The following HPCAL1 variants were observed in gnomAD, a reference collection of about 807,000 sequenced individuals.
HPCAL1 encodes the protein hippocalcin like 1, also known as hippocalcin-like protein 1.
A neutral mutation model predicts 17.1 loss-of-function variants in HPCAL1; 8 were observed. The observed-to-expected ratio is 0.47, with a 90% confidence interval of 0.27 to 0.84. HPCAL1 has a LOEUF of 0.84. Ranked by LOEUF, HPCAL1 falls within the 40% of genes least tolerant of loss-of-function variation. The pLI is 0.13. For missense variants in HPCAL1, 165 were observed against 271.1 expected, an observed-to-expected ratio of 0.61 and a Z score of 2.75; for synonymous variants, 112 against 111.4, an observed-to-expected ratio of 1.01 and a Z score of -0.03.
At chr2:10,413,929 CA>C (rs1670500827) in intron 2 of HPCAL1, among the ~76,000 whole-genome samples, 1 of 152,230 alleles carries the variant, frequency 6.6e-6, no homozygotes, top group Non-Finnish European at 1.5e-5. Flanking sequence ...GGGTGCAAAT[CA>C]GGCAGAAAGG....
chr2:10,399,421 C>T (rs1213933642), intron 2 of HPCAL1, among the ~76,000 whole-genome samples: 20 of 52,804 alleles, frequency 3.8e-4, no homozygotes, highest in South Asian at 2.5e-3. Context: ...ACCACCACCA[C>T]CATCACCACC....
chr2:10,341,754 T>C (rs1298698958), intron 1 of HPCAL1, among the ~76,000 whole-genome samples: 2 of 152,134 alleles, frequency 1.3e-5, no homozygotes, highest in Non-Finnish European at 2.9e-5. Context: ...GTCCAACGCT[T>C]CCCAAGAGAT....
chr2:10,318,553 A>G (rs963929306), intron 1 of HPCAL1, among the ~76,000 whole-genome samples: 1 of 152,188 alleles, frequency 6.6e-6, no homozygotes, highest in African/African-American at 2.4e-5. Context: ...CGCTCCGGAC[A>G]TTGGCGATGT....
chr2:10,358,386 G>T (rs921656575), intron 1 of HPCAL1, among the ~76,000 whole-genome samples: 2 of 152,190 alleles, frequency 1.3e-5, no homozygotes, highest in African/African-American at 4.8e-5. Context: ...GGAGGAGAAG[G>T]GCGGGTCCCT....
intron 1 of HPCAL1, among the ~76,000 whole-genome samples, chr2:10,307,286 G>A (rs897971256): frequency 5.3e-5 from 8 of 152,270 alleles, no homozygotes; most frequent in South Asian, 2.1e-4. Context: ...CCCAGATTTC[G>A]CCTCAGTACT....
chr2:10,370,116 T>C lies in HPCAL1; in HGVS notation c.-110-26719T>C, dbSNP rs747926821. Reference sequence around the variant, plus strand: ...TCCGCATTCCTTTGTATGGGCCCATTGGGCATGCCTGGCTAATCTGCGCAC... The same window carrying C: ...TCCGCATTCCTTTGTATGGGCCCATCGGGCATGCCTGGCTAATCTGCGCAC... On this transcript the variant is annotated intron_variant, in intron 1 of 4. Coordinates refer to ENST00000307845, the MANE Select transcript of HPCAL1 (RefSeq NM_002149.4). 7.9e-5 allele frequency among the ~76,000 whole-genome samples: 12 copies of C among 152,218 alleles called. No homozygotes were observed. The South Asian group carries it at 1.4e-3, about 18-fold the overall frequency.
At chr2:10,381,525 C>T (rs1383914182) in intron 1 of HPCAL1, among the ~76,000 whole-genome samples, 1 of 152,196 alleles carries the variant, frequency 6.6e-6, no homozygotes, top group Non-Finnish European at 1.5e-5. Context: ...CAATGTTTGT[C>T]AGCCTGTCTT....
intron 4 of HPCAL1, 39 bp from the exon 5 acceptor site, chr2:10,426,685 T>G (rs985724965): frequency 2.0e-6 from 3 of 1,508,564 alleles, no homozygotes; most frequent in African/African-American, 2.7e-5. Context: ...TAAAGAACAG[T>G]GAGCACTGGC....
In HPCAL1 at chr2:10,419,114, G is replaced by A. The variant is rs1353143043; in HGVS notation, c.-24-620G>A. On this transcript the variant is annotated intron_variant, in intron 2 of 4. Coordinates refer to ENST00000307845, the MANE Select transcript of HPCAL1 (RefSeq NM_002149.4). The surrounding 1 kb of genome is among the most constrained non-coding windows in gnomAD (Gnocchi z 5.0). ...TAATCCCAGCTACTCAGGAGGCTGAGGCAGGAGAATTGCTTGAACCTGGGA... is the reference window on the plus strand; with the variant it reads ...TAATCCCAGCTACTCAGGAGGCTGAAGCAGGAGAATTGCTTGAACCTGGGA... Among the ~76,000 whole-genome samples, 1 of 152,174 alleles carries A rather than the reference G, an allele frequency of 6.6e-6. No individual in the cohort carries two copies. Among genetic ancestry groups the A allele is most frequent in the Non-Finnish European group, 1.5e-5 (1 of 68,034 alleles).
At chr2:10,347,249 G>T (rs1315659705) in intron 1 of HPCAL1, among the ~76,000 whole-genome samples, 1 of 152,012 alleles carries the variant, frequency 6.6e-6, no homozygotes, top group African/African-American at 2.4e-5. Context: ...CGTTGGCTTG[G>T]TCACCCAGCC....
rs1400948470 is a variant in HPCAL1 at position 10,331,069 on chromosome 2, C to A, written c.-111+27892C>A. On this transcript the variant is annotated intron_variant, in intron 1 of 4. Transcript: ENST00000307845. The surrounding 1 kb of genome is among the most constrained non-coding windows in gnomAD (Gnocchi z 5.0). ...TCCCGCCTCTCGCTCCATCTCGTGG[C>A]CTCCCATCTGCTCTCCCGGCTGCAG... is the stretch of plus-strand genomic sequence containing the variant. Among the ~76,000 whole-genome samples, 2 of 152,166 alleles carry A rather than the reference C, an allele frequency of 1.3e-5. No homozygotes were observed. The highest frequency in any genetic ancestry group is 2.9e-5 in the Non-Finnish European group (2 of 68,014).
chr2:10,383,120 C>A (rs954423946), intron 1 of HPCAL1, among the ~76,000 whole-genome samples: 3 of 152,216 alleles, frequency 2.0e-5, no homozygotes, highest in African/African-American at 7.2e-5. Context: ...TGCCTGTCAT[C>A]CCAGCACTTT....
intron 1 of HPCAL1, among the ~76,000 whole-genome samples, chr2:10,391,397 A>G (rs1356296918): frequency 6.6e-6 from 1 of 152,178 alleles, no homozygotes; most frequent in Non-Finnish European, 1.5e-5. Context: ...GTAGGAGGAT[A>G]TTGACTTAGA....
At chr2:10,358,400 G>A (rs753108154) in intron 1 of HPCAL1, among the ~76,000 whole-genome samples, 4 of 152,166 alleles carry the variant, frequency 2.6e-5, no homozygotes, top group Non-Finnish European at 2.9e-5. Flanking sequence ...GGTCCCTGTC[G>A]AGGGCTCCAC....
rs1670951313 is a variant in HPCAL1 at position 10,420,144 on chromosome 2, G to A, written c.378+9G>A. On this transcript the variant is annotated intron_variant, in intron 3 of 4. Coordinates refer to ENST00000307845, the MANE Select transcript of HPCAL1 (RefSeq NM_002149.4). Reference sequence around the variant, plus strand: ...TGCTGGAGATCGTGCAGGTACCGGCGCCCGAGGCCCCGGGTCTCACCGCGG... The same window carrying A: ...TGCTGGAGATCGTGCAGGTACCGGCACCCGAGGCCCCGGGTCTCACCGCGG... 1.9e-6 allele frequency: 3 copies of A among 1,597,938 alleles called. No homozygotes were observed. The highest frequency in any genetic ancestry group is 2.2e-5 in the East Asian group (1 of 44,480).
At chr2:10,353,219 G>A (rs1489476283) in intron 1 of HPCAL1, among the ~76,000 whole-genome samples, 1 of 152,176 alleles carries the variant, frequency 6.6e-6, no homozygotes, top group Admixed American at 6.5e-5. Flanking sequence ...CTGGGCACAG[G>A]TTTGTCTGAG....
chr2:10,346,911 A>G (rs938074200), intron 1 of HPCAL1, among the ~76,000 whole-genome samples: 3 of 133,390 alleles, frequency 2.2e-5, no homozygotes, highest in Non-Finnish European at 3.1e-5. Context: ...ACCCTGGAGG[A>G]TGTTAGATTT....
rs144791775 is a variant in HPCAL1, at chr2:10,395,077, G to A, written c.-110-1758G>A. ...TTCCCAGAGTGCTGGGATTACAGGC[G>A]TGAACAATGGTGTCCAGCCTAAAAT... On this transcript the variant is annotated intron_variant, in intron 1 of 4. Transcript: ENST00000307845. This position sits in a 1 kb window ranked among gnomAD's most constrained non-coding sequence, Gnocchi z 4.4. Among the ~76,000 whole-genome samples, 170 of 151,320 alleles carry A rather than the reference G, an allele frequency of 1.1e-3. 5 individuals carry two copies. The East Asian group carries it at 0.025, about 22-fold the overall frequency.
chr2:10,373,729 C>T (rs1400986361), intron 1 of HPCAL1, among the ~76,000 whole-genome samples: 3 of 152,036 alleles, frequency 2.0e-5, no homozygotes, highest in Non-Finnish European at 4.4e-5. Context: ...AACAGACAGG[C>T]CCCCCACAGC....
Sources: gnomAD v4.1 joint callset for allele counts (sites outside exome capture counted in the v4.1 genomes callset) on GRCh38, gnomAD v4.1.1 for gene constraint, Gnocchi (gnomAD v3.1) non-coding constraint, MANE v1.5 for transcripts, NCBI Gene and HGNC (gene_info 2026-07-23, HGNC 2026-07-21) for gene names.